C12orf42: variants seen among roughly 807,000 people sequenced by gnomAD.
C12orf42 encodes the protein chromosome 12 open reading frame 42, also known as uncharacterized protein C12orf42.
In C12orf42, 25 loss-of-function variants were observed where a neutral mutation model predicts 21.6. The observed-to-expected ratio is 1.16, with a 90% CI of 0.84 to 1.62. C12orf42 has a LOEUF of 1.62. C12orf42 is among the 40% of genes most tolerant of loss of function. The probability of loss-of-function intolerance (pLI) is 0.00; values close to 1 mark genes in which losing one functional copy is unlikely to be tolerated. For synonymous variants in C12orf42, 174 were observed against 175.0 expected (o/e 0.99, Z 0.05); for missense variants, 483 against 459.3 (o/e 1.05, Z -0.47).
chr12:103,114,628 G>A, the C12orf42 span, among the ~76,000 whole-genome samples: 1 of 152,070 alleles, frequency 6.6e-6, no homozygotes, highest in Admixed American at 6.5e-5. Flanking sequence ...CCTCAGCTTT[G>A]TATATTTGTC....
the C12orf42 span, among the ~76,000 whole-genome samples, chr12:103,171,752 C>T: frequency 3.8e-3 from 583 of 151,956 alleles, 4 homozygotes; most frequent in African/African-American, 0.013. Flanking sequence ...GCCTTGGGGC[C>T]CACCTACGCC....
the C12orf42 span, among the ~76,000 whole-genome samples, chr12:103,513,821 C>T: frequency 2.6e-5 from 4 of 152,056 alleles, no homozygotes; most frequent in South Asian, 8.3e-4. Context: ...CAGTGTCTGC[C>T]TTCTGGTGCA....
At chr12:103,119,085 T>C in the C12orf42 span, among the ~76,000 whole-genome samples, 1 of 152,168 alleles carries the variant, frequency 6.6e-6, no homozygotes, top group African/African-American at 2.4e-5. Context: ...TTGCCAGATT[T>C]CTCTGCTCCC....
the C12orf42 span, among the ~76,000 whole-genome samples, chr12:103,126,394 C>G: frequency 1.1e-4 from 16 of 152,024 alleles, no homozygotes; most frequent in African/African-American, 3.9e-4. Flanking sequence ...TGAGAAAAGC[C>G]CATATTGTAA....
intron 4 of C12orf42, among the ~76,000 whole-genome samples, chr12:103,289,663 G>A (rs988482540): frequency 2.6e-5 from 4 of 152,144 alleles, no homozygotes; most frequent in African/African-American, 9.7e-5. Flanking sequence ...AAATGCTAAT[G>A]TAGATCACCG....
At chr12:103,265,547 T>C (rs2035123560), downstream of C12orf42, among the ~76,000 whole-genome samples, 1 of 152,224 alleles carries the variant, frequency 6.6e-6, no homozygotes, top group Non-Finnish European at 1.5e-5. Context: ...CACGTTCAGC[T>C]TTTCATTCGA....
At chr12:103,424,171 T>C (rs1949606378) in intron 2 of C12orf42, among the ~76,000 whole-genome samples, 1 of 152,248 alleles carries the variant, frequency 6.6e-6, no homozygotes, top group African/African-American at 2.4e-5. Context: ...CCCCTGCACA[T>C]GGTGCCTCTT....
chr12:103,058,041 T>C, the C12orf42 span, among the ~76,000 whole-genome samples: 2 of 151,786 alleles, frequency 1.3e-5, no homozygotes, highest in African/African-American at 2.4e-5. Context: ...CTCTAACCTC[T>C]GCCTCCCTTG....
downstream of C12orf42, among the ~76,000 whole-genome samples, chr12:103,300,293 C>T (rs2037563203): frequency 6.6e-6 from 1 of 152,088 alleles, no homozygotes; most frequent in Non-Finnish European, 1.5e-5. Context: ...TGGGATTTCT[C>T]AGGGACCTAA....
At chr12:103,081,889 G>A in the C12orf42 span, among the ~76,000 whole-genome samples, 3 of 152,050 alleles carry the variant, frequency 2.0e-5, no homozygotes, top group South Asian at 2.1e-4. Context: ...ATTTTATAAC[G>A]TGGATATGTT....
At chr12:103,528,583 C>T in the C12orf42 span, among the ~76,000 whole-genome samples, 6 of 152,110 alleles carry the variant, frequency 3.9e-5, no homozygotes, top group Non-Finnish European at 7.4e-5. Flanking sequence ...GGCAGCAACC[C>T]CTCCTCTCTC....
At chr12:103,543,966 T>C in the C12orf42 span, among the ~76,000 whole-genome samples, 1 of 151,480 alleles carries the variant, frequency 6.6e-6, no homozygotes, top group Non-Finnish European at 1.5e-5. Flanking sequence ...CGATCTCAGC[T>C]CACTGCAAGT....
At chr12:103,563,617 G>T in the C12orf42 span, among the ~76,000 whole-genome samples, 1 of 152,172 alleles carries the variant, frequency 6.6e-6, no homozygotes, top group Non-Finnish European at 1.5e-5. Flanking sequence ...ATCTAGACTA[G>T]CTTCAGCTGA....
chr12:103,249,509 T>C (rs976474310), intron 10 of C12orf42, among the ~76,000 whole-genome samples: 1 of 152,024 alleles, frequency 6.6e-6, no homozygotes, highest in African/African-American at 2.4e-5. Flanking sequence ...TCAGTCTAGA[T>C]TTCTAAAGAG....
At chr12:103,530,838 T>C in the C12orf42 span, among the ~76,000 whole-genome samples, 1 of 152,188 alleles carries the variant, frequency 6.6e-6, no homozygotes, top group South Asian at 2.1e-4. Flanking sequence ...CTCTGTCCTA[T>C]TGTGAGCCCA....
At chr12:103,124,174 T>TTTTTTA in the C12orf42 span, among the ~76,000 whole-genome samples, 1 of 146,696 alleles carries the variant, frequency 6.8e-6, no homozygotes, top group Non-Finnish European at 1.5e-5. Flanking sequence ...TTTTTTTTTT[T>TTTTTTA]TTTTTTTTTT....
At chr12:103,489,667 C>T (rs758724646) in intron 1 of C12orf42, among the ~76,000 whole-genome samples, 1 of 152,210 alleles carries the variant, frequency 6.6e-6, no homozygotes, top group East Asian at 1.9e-4. Context: ...GCAGACGCCC[C>T]TCCCCCATCC....
chr12:103,339,745 G>C (rs989080587), intron 4 of C12orf42, among the ~76,000 whole-genome samples: 11 of 152,172 alleles, frequency 7.2e-5, no homozygotes, highest in African/African-American at 2.7e-4. Flanking sequence ...CTGTTGGTGG[G>C]AGTGAAAATC....
chr12:103,260,232 T>TA (rs150850003), intron 10 of C12orf42, among the ~76,000 whole-genome samples: 21,534 of 152,214 alleles, frequency 0.14, 1,682 homozygotes, highest in South Asian at 0.22. Context: ...TAGGTATTTC[T>TA]AAAAAACAAC....
Sources: gnomAD v4.1 joint callset for allele counts (sites outside exome capture counted in the v4.1 genomes callset) on GRCh38, gnomAD v4.1.1 for gene constraint, MANE v1.5 for transcripts, NCBI Gene and HGNC (gene_info 2026-07-23, HGNC 2026-07-21) for gene names.